Variants in RNF146 observed in about 807,000 individuals in gnomAD.
RNF146 encodes E3 ubiquitin-protein ligase RNF146.
RNF146 carries 11 observed loss-of-function variants against 29.7 expected under a neutral mutation model. That is an observed-to-expected ratio of 0.37 (90% CI 0.23 to 0.61). The LOEUF is 0.61. RNF146 is among the 20% of genes least tolerant of loss of function. RNF146 has a pLI of 0.66. For synonymous variants in RNF146, 150 were observed against 159.7 expected (o/e 0.94, Z 0.46); for missense variants, 342 against 438.9 (o/e 0.78, Z 1.97).
intron 1 of RNF146, among the ~76,000 whole-genome samples, chr6:127,268,864 A>G (rs567816875): frequency 2.4e-3 from 363 of 152,150 alleles, no homozygotes; most frequent in Non-Finnish European, 3.9e-3. Context: ...TTTTTTTTTA[A>G]AGGATCCAAA....
chr6:127,285,325 ATTGT>A (rs1424271921), intron 2 of RNF146: 2 of 984,920 alleles, frequency 2.0e-6, no homozygotes, highest in Non-Finnish European at 2.4e-6. Flanking sequence ...GCCTAGGATT[ATTGT>A]TTTTCAATTT....
chr6:127,278,340 T>A (rs1778504604), intron 1 of RNF146, among the ~76,000 whole-genome samples: 1 of 151,924 alleles, frequency 6.6e-6, no homozygotes, highest in South Asian at 2.1e-4. Flanking sequence ...AAACAGAAAC[T>A]CTGTACCCAT....
intron 1 of RNF146, among the ~76,000 whole-genome samples, chr6:127,271,082 A>G (rs1777420498): frequency 6.6e-6 from 1 of 152,100 alleles, no homozygotes; most frequent in African/African-American, 2.4e-5. Context: ...CCAAAGTGCT[A>G]AGATTACAGG....
At chr6:127,283,939 A>G (rs1017217689) in intron 2 of RNF146, among the ~76,000 whole-genome samples, 2 of 151,828 alleles carry the variant, frequency 1.3e-5, no homozygotes, top group African/African-American at 4.8e-5. Context: ...TGTTATTATA[A>G]TTCATGCCTT....
chr6:127,287,587 G>GATCAGATCGATCGGGAACTGATCGATC lies in RNF146; in HGVS notation c.976_1002dup (p.Ser326_Ser334dup), dbSNP rs1779700775. 1 of 1,612,438 alleles carries GATCAGATCGATCGGGAACTGATCGATC rather than the reference G, an allele frequency of 6.2e-7. No individual in the cohort carries two copies. The highest frequency in any genetic ancestry group is 8.5e-7 in the Non-Finnish European group (1 of 1,179,326). On this transcript the variant is annotated inframe_insertion, in exon 3 of 3. Transcript: ENST00000368314. ...AATGCAAACCAGACAGTACCCGATC[G>GATCAGATCGATCGGGAACTGATCGATC]ATCAGATCGATCGGGAACTGATCGA...
chr6:127,287,284 C>CT lies in RNF146; in HGVS notation c.671_672insT (p.Val225SerfsTer14). 6.2e-7 allele frequency: 1 copy of CT among 1,613,458 alleles called. No homozygotes were observed. Among genetic ancestry groups the CT allele is most frequent in the South Asian group, 1.1e-5 (1 of 91,072 alleles). On this transcript the variant is annotated frameshift_variant, in exon 3 of 3. Transcript: ENST00000368314. LOFTEE classifies it high-confidence loss of function. Reference sequence around the variant, plus strand: ...GTGTCTTCTGTAAGGCCCCTAACATCAGTAGATGGTCAGTTAACAAGCCCT... The same window carrying CT: ...GTGTCTTCTGTAAGGCCCCTAACATCTAGTAGATGGTCAGTTAACAAGCCCT...
chr6:127,270,477 C>T (rs546693006), intron 1 of RNF146, among the ~76,000 whole-genome samples: 139 of 152,242 alleles, frequency 9.1e-4, no homozygotes, highest in African/African-American at 3.2e-3. Context: ...TCATACTGTT[C>T]TGTTTTACAT....
chr6:127,275,195 C>A (rs1778032776), intron 1 of RNF146, among the ~76,000 whole-genome samples: 1 of 152,060 alleles, frequency 6.6e-6, no homozygotes, highest in Non-Finnish European at 1.5e-5. Context: ...TTGGTTTATG[C>A]TTAGATTTTT....
At chr6:127,278,503 T>C (rs1778530928) in intron 1 of RNF146, among the ~76,000 whole-genome samples, 1 of 151,430 alleles carries the variant, frequency 6.6e-6, no homozygotes, top group Non-Finnish European at 1.5e-5. Context: ...TTCATCTATA[T>C]TGTAGCACAT....
At chr6:127,268,334 A>G (rs1423208424) in intron 1 of RNF146, among the ~76,000 whole-genome samples, 1 of 152,212 alleles carries the variant, frequency 6.6e-6, no homozygotes, top group Non-Finnish European at 1.5e-5. Flanking sequence ...TAGACTTTTC[A>G]AAGACATGGC....
intron 1 of RNF146, among the ~76,000 whole-genome samples, chr6:127,268,269 T>C (rs1005161700): frequency 4.6e-5 from 7 of 152,196 alleles, no homozygotes; most frequent in African/African-American, 1.4e-4. Flanking sequence ...TTCAATCCAG[T>C]ATATAATTAT....
chr6:127,275,393 A>G (rs1467090194), intron 1 of RNF146, among the ~76,000 whole-genome samples: 1 of 152,146 alleles, frequency 6.6e-6, no homozygotes, highest in Non-Finnish European at 1.5e-5. Flanking sequence ...GCTTGAGTTC[A>G]CAATTAGAAC....
At chr6:127,280,205 TTA>T in intron 1 of RNF146, 24 bp from the exon 2 acceptor site, 1 of 822,256 alleles carries the variant, frequency 1.2e-6, no homozygotes, top group Non-Finnish European at 2.0e-6. Flanking sequence ...TCTCTTGATC[TTA>T]ATTACTCTTT....
intron 2 of RNF146, 104 bp downstream of exon 2, chr6:127,280,444 A>G: frequency 1.4e-6 from 2 of 1,386,730 alleles, no homozygotes; most frequent in Non-Finnish European, 1.9e-6. Flanking sequence ...TAATTATATT[A>G]AATGAGCATT....
intron 1 of RNF146, among the ~76,000 whole-genome samples, chr6:127,273,634 G>A (rs1777792463): frequency 6.6e-6 from 1 of 151,864 alleles, no homozygotes; most frequent in Non-Finnish European, 1.5e-5. Context: ...AACCTGTGTT[G>A]TTGAAAGGTC....
intron 1 of RNF146, among the ~76,000 whole-genome samples, chr6:127,271,286 A>T (rs1315482943): frequency 6.6e-6 from 1 of 152,112 alleles, no homozygotes; most frequent in Non-Finnish European, 1.5e-5. Flanking sequence ...GTTTACATGG[A>T]ATTTTGACTG....
At chr6:127,284,684 A>T (rs1779295648) in intron 2 of RNF146, among the ~76,000 whole-genome samples, 1 of 151,908 alleles carries the variant, frequency 6.6e-6, no homozygotes, top group Non-Finnish European at 1.5e-5. Flanking sequence ...TTGTTGTTTC[A>T]AGTTACAAGA....
chr6:127,270,592 A>G (rs904207062), intron 1 of RNF146, among the ~76,000 whole-genome samples: 6 of 152,192 alleles, frequency 3.9e-5, no homozygotes, highest in South Asian at 2.1e-4. Flanking sequence ...CATGATTGTT[A>G]TAAGTATTAC....
intron 1 of RNF146, among the ~76,000 whole-genome samples, chr6:127,271,574 T>C (rs1225504136): frequency 1.3e-5 from 2 of 152,186 alleles, no homozygotes; most frequent in African/African-American, 4.8e-5. Context: ...TAGACCAGCA[T>C]TGCCCAGTAA....
Sources: gnomAD v4.1 joint callset for allele counts (sites outside exome capture counted in the v4.1 genomes callset) on GRCh38, gnomAD v4.1.1 for gene constraint, MANE v1.5 for transcripts, NCBI Gene and HGNC (gene_info 2026-07-23, HGNC 2026-07-21) for gene names.